Variants in KDM6A observed in about 807,000 individuals in gnomAD.
KDM6A encodes lysine demethylase 6A.
Under a neutral mutation model 117.6 loss-of-function variants are expected in KDM6A, and 11 were observed. That is an observed-to-expected ratio of 0.09 (90% confidence interval 0.06 to 0.15). The LOEUF (loss-of-function observed/expected upper bound fraction) is 0.15. Among genes scored for constraint, KDM6A ranks in the 10% least tolerant of loss-of-function variants. The pLI, the probability that KDM6A is intolerant of heterozygous loss-of-function variation, is 1.00. For synonymous variants in KDM6A, 384 were observed against 396.1 expected, an observed-to-expected ratio of 0.97 and a Z score of 0.36; for missense variants, 799 against 1,077.3, an observed-to-expected ratio of 0.74 and a Z score of 3.62.
chrX:45,032,824 T>C (rs2042655363), intron 6 of KDM6A, among the ~76,000 whole-genome samples: 1 of 112,137 alleles, frequency 8.9e-6, no homozygotes, highest in African/African-American at 3.2e-5. Flanking sequence ...CATAGTGTTG[T>C]GGGTTTGAAA....
At chrX:45,022,890 A>G (rs982192563) in intron 6 of KDM6A, among the ~76,000 whole-genome samples, 19 of 111,865 alleles carry the variant, frequency 1.7e-4, no homozygotes, top group African/African-American at 5.8e-4. Flanking sequence ...TCAAGGATTC[A>G]TTTTCTTCTC....
intron 2 of KDM6A, among the ~76,000 whole-genome samples, chrX:44,923,061 A>G (rs779933956): frequency 9.0e-6 from 1 of 111,492 alleles, no homozygotes; most frequent in Non-Finnish European, 1.9e-5. Context: ...ATGGCACTCT[A>G]CTGTTTTCTC....
At chrX:45,093,485 A>G (rs1302548966) in intron 27 of KDM6A, among the ~76,000 whole-genome samples, 1 of 110,723 alleles carries the variant, frequency 9.0e-6, no homozygotes, top group Non-Finnish European at 1.9e-5. Context: ...TTAGGAGGCA[A>G]TTGTAACAGT....
intron 28 of KDM6A, among the ~76,000 whole-genome samples, chrX:45,108,579 G>A (rs1412214639): frequency 9.3e-6 from 1 of 107,862 alleles, no homozygotes; most frequent in East Asian, 2.9e-4. Flanking sequence ...CAGGGATCTA[G>A]AACTAGAAAT....
At chrX:45,057,970 G>A (rs969401795) in intron 10 of KDM6A, among the ~76,000 whole-genome samples, 2 of 108,781 alleles carry the variant, frequency 1.8e-5, no homozygotes, top group African/African-American at 6.7e-5. Flanking sequence ...TGTGTGTGTT[G>A]TCTTTCCAAT....
chrX:44,909,522 T>C (rs2034947380), intron 2 of KDM6A, among the ~76,000 whole-genome samples: 1 of 111,052 alleles, frequency 9.0e-6, no homozygotes. Context: ...TCTTCTATAC[T>C]ATATGGAGGA....
At chrX:44,914,417 GAT>G (rs57787884) in intron 2 of KDM6A, among the ~76,000 whole-genome samples, 18,522 of 111,222 alleles carry the variant, frequency 0.17, 2,272 homozygotes, top group African/African-American at 0.43. Context: ...ACAAGAATAG[GAT>G]ATGTTAGAAT....
At chrX:44,890,152 G>A (rs191878283) in intron 2 of KDM6A, among the ~76,000 whole-genome samples, 1 of 112,341 alleles carries the variant, frequency 8.9e-6, no homozygotes, top group African/African-American at 3.2e-5. Flanking sequence ...TTTCAGGAAT[G>A]TTATATAAGT....
At chrX:44,907,391 C>A (rs943830171) in intron 2 of KDM6A, among the ~76,000 whole-genome samples, 2 of 109,274 alleles carry the variant, frequency 1.8e-5, no homozygotes, top group Admixed American at 2.0e-4. Flanking sequence ...AGTTCCCCTG[C>A]CTCAGCCTCT....
At chrX:45,047,694 T>C (rs1488923871) in intron 8 of KDM6A, among the ~76,000 whole-genome samples, 818 of 76,103 alleles carry the variant, frequency 0.011, 32 homozygotes, top group African/African-American at 0.037. Context: ...TTTTTTTTTT[T>C]TTTTTTTTTG....
intron 10 of KDM6A, among the ~76,000 whole-genome samples, chrX:45,057,875 T>C (rs900521737): frequency 3.6e-5 from 4 of 111,162 alleles, no homozygotes; most frequent in African/African-American, 6.5e-5. Flanking sequence ...TTTTTTGCAA[T>C]TTACTGTCAG....
intron 4 of KDM6A, among the ~76,000 whole-genome samples, chrX:45,009,033 T>A (rs2041636718): frequency 8.9e-6 from 1 of 112,100 alleles, no homozygotes; most frequent in Non-Finnish European, 1.9e-5. Context: ...AACTTTAGCA[T>A]TTTTAAAAAG....
At chrX:45,059,544 GT>G in intron 12 of KDM6A, 78 bp downstream of exon 12, 1 of 698,142 alleles carries the variant, frequency 1.4e-6, no homozygotes, top group Non-Finnish European at 2.2e-6. Context: ...TGGCTGGAAA[GT>G]TTGTCTAGTT....
chrX:44,953,944 C>A (rs898995227), intron 2 of KDM6A, among the ~76,000 whole-genome samples: 15 of 109,763 alleles, frequency 1.4e-4, no homozygotes, highest in Non-Finnish European at 1.3e-4. Flanking sequence ...GTAGTCCCAG[C>A]CACTTGAGGG....
chrX:44,998,973 A>G (rs771158882), intron 4 of KDM6A, among the ~76,000 whole-genome samples: 1 of 111,882 alleles, frequency 8.9e-6, no homozygotes, highest in Non-Finnish European at 1.9e-5. Context: ...AACTTCAGGT[A>G]GAACTGAACC....
intron 28 of KDM6A, among the ~76,000 whole-genome samples, chrX:45,108,070 C>T (rs2046595686): frequency 9.0e-6 from 1 of 111,514 alleles, no homozygotes; most frequent in South Asian, 3.7e-4. Context: ...AGTTGGACTT[C>T]CTGTTAATGA....
intron 21 of KDM6A, 99 bp downstream of exon 21, chrX:45,079,450 T>G (rs2045289378): frequency 1.7e-6 from 1 of 591,046 alleles, no homozygotes; most frequent in African/African-American, 2.2e-5. Flanking sequence ...TCTCATCATT[T>G]TATGTTACAT....
intron 2 of KDM6A, among the ~76,000 whole-genome samples, chrX:44,900,751 G>T (rs909914984): frequency 3.6e-5 from 4 of 111,117 alleles, no homozygotes; most frequent in Non-Finnish European, 7.5e-5. Flanking sequence ...ACAAAAATTA[G>T]CTGGGCGTGG....
chrX:44,956,946 A>G (rs1358271554), intron 2 of KDM6A, among the ~76,000 whole-genome samples: 1 of 110,315 alleles, frequency 9.1e-6, no homozygotes, highest in African/African-American at 3.3e-5. Flanking sequence ...CCTGGCCAAC[A>G]TGGTGAAACC....
Sources: gnomAD v4.1 joint callset for allele counts (sites outside exome capture counted in the v4.1 genomes callset) on GRCh38, gnomAD v4.1.1 for gene constraint, MANE v1.5 for transcripts, NCBI Gene and HGNC (gene_info 2026-07-23, HGNC 2026-07-21) for gene names.